The following TRPS1 variants were observed in gnomAD, a reference collection of about 807,000 sequenced individuals.
The protein encoded by TRPS1 is zinc finger transcription factor Trps1.
A neutral mutation model predicts 101.2 loss-of-function variants in TRPS1; 6 were observed. The observed-to-expected ratio is 0.06, with a 90% CI of 0.03 to 0.12. The LOEUF is 0.12. TRPS1 is among the 10% of genes least tolerant of loss of function. TRPS1 has a pLI of 1.00. For missense variants in TRPS1, 1,363 were observed against 1,567.0 expected (o/e 0.87, Z 2.20); for synonymous variants, 578 against 589.8 (o/e 0.98, Z 0.29).
At chr8:115,482,223 A>C (rs956576894) in intron 5 of TRPS1, among the ~76,000 whole-genome samples, 1 of 152,172 alleles carries the variant, frequency 6.6e-6, no homozygotes, top group Non-Finnish European at 1.5e-5. Context: ...GCAAAAACAA[A>C]TCATTTCAAA....
At chr8:115,552,345 G>A (rs1320261701) in intron 5 of TRPS1, among the ~76,000 whole-genome samples, 1 of 151,980 alleles carries the variant, frequency 6.6e-6, no homozygotes, top group Non-Finnish European at 1.5e-5. Context: ...ATCTAAAAAT[G>A]CTGGAATTTG....
chr8:115,597,296 CTA>C (rs1388048630), intron 4 of TRPS1, among the ~76,000 whole-genome samples: 1 of 151,756 alleles, frequency 6.6e-6, no homozygotes, highest in Non-Finnish European at 1.5e-5. Flanking sequence ...ATCGTAAAAT[CTA>C]TGTTTTCTGA....
At chr8:115,428,406 T>A (rs1406860434) in intron 5 of TRPS1, among the ~76,000 whole-genome samples, 4 of 152,172 alleles carry the variant, frequency 2.6e-5, no homozygotes, top group Non-Finnish European at 4.4e-5. Flanking sequence ...ACAAAAATAC[T>A]CCTAACTCTA....
chr8:115,440,637 A>G (rs1437045491), intron 5 of TRPS1, among the ~76,000 whole-genome samples: 2 of 152,238 alleles, frequency 1.3e-5, no homozygotes, highest in Non-Finnish European at 2.9e-5. Flanking sequence ...CCAAGGTTTC[A>G]GCAATAAGTC....
chr8:115,555,868 C>A (rs373131197), intron 5 of TRPS1, among the ~76,000 whole-genome samples: 27 of 148,938 alleles, frequency 1.8e-4, no homozygotes, highest in Admixed American at 2.7e-4. Flanking sequence ...AACAAACAAA[C>A]AAAAAAAAAA....
chr8:115,645,542 G>GA (rs1223928706), intron 1 of TRPS1, among the ~76,000 whole-genome samples: 1 of 151,984 alleles, frequency 6.6e-6, no homozygotes, highest in Admixed American at 6.6e-5. Flanking sequence ...ACAACCTACT[G>GA]AAAAATAAGA....
intron 5 of TRPS1, among the ~76,000 whole-genome samples, chr8:115,538,091 G>A (rs180814758): frequency 4.6e-5 from 7 of 152,248 alleles, no homozygotes; most frequent in Admixed American, 3.3e-4. Context: ...TTGATATTCC[G>A]GACTTTGCAT....
chr8:115,610,726 C>T (rs1219329266), intron 3 of TRPS1, among the ~76,000 whole-genome samples: 3 of 152,010 alleles, frequency 2.0e-5, no homozygotes, highest in Admixed American at 2.0e-4. Context: ...AACAGTTTAC[C>T]CTAAACTGGT....
chr8:115,607,973 TC>T (rs1246681104), intron 3 of TRPS1, among the ~76,000 whole-genome samples: 1 of 152,172 alleles, frequency 6.6e-6, no homozygotes, highest in African/African-American at 2.4e-5. Context: ...TTAAATCTAT[TC>T]TTTTCTAGGG....
chr8:115,502,599 G>A lies in TRPS1; in HGVS notation c.2701-84147C>T, dbSNP rs113331052. 6.6e-5 allele frequency among the ~76,000 whole-genome samples: 10 copies of A among 152,210 alleles called. No homozygotes were observed. In the East Asian group the frequency reaches 7.7e-4, roughly 12 times the overall value. On this transcript the variant is annotated intron_variant, in intron 5 of 6. Coordinates refer to ENST00000395715, the MANE Select transcript of TRPS1 (RefSeq NM_014112.5). ...ATAAGATTATCTAGAAATGATACAC[G>A]GTATTTGGCCCACAGTAGGTACTTA...
intron 5 of TRPS1, among the ~76,000 whole-genome samples, chr8:115,490,812 T>TG (rs2130101416): frequency 6.6e-6 from 1 of 152,328 alleles, no homozygotes; most frequent in Admixed American, 6.5e-5. Flanking sequence ...TTTTGGAGGC[T>TG]GGTTTATTAT....
At chr8:115,474,491 C>G (rs1814549964) in intron 5 of TRPS1, among the ~76,000 whole-genome samples, 1 of 152,030 alleles carries the variant, frequency 6.6e-6, no homozygotes, top group African/African-American at 2.4e-5. Context: ...TATTATAGAA[C>G]TGGGTTATGC....
chr8:115,525,489 G>A (rs1025477164), intron 5 of TRPS1, among the ~76,000 whole-genome samples: 2 of 151,944 alleles, frequency 1.3e-5, no homozygotes, highest in African/African-American at 4.8e-5. Flanking sequence ...TGGTGGTGGT[G>A]GGACAGGCAG....
chr8:115,501,578 G>A (rs1299316359), intron 5 of TRPS1, among the ~76,000 whole-genome samples: 3 of 152,130 alleles, frequency 2.0e-5, no homozygotes, highest in Non-Finnish European at 4.4e-5. Context: ...TCCCAAATAT[G>A]TGAAGTTCAA....
intron 5 of TRPS1, among the ~76,000 whole-genome samples, chr8:115,566,705 T>C (rs928711060): frequency 6.6e-6 from 1 of 152,128 alleles, no homozygotes; most frequent in Non-Finnish European, 1.5e-5. Flanking sequence ...AACCTCTATC[T>C]GTAAAAATTT....
chr8:115,589,475 A>T (rs1817635894), intron 4 of TRPS1, among the ~76,000 whole-genome samples: 1 of 152,210 alleles, frequency 6.6e-6, no homozygotes, highest in African/African-American at 2.4e-5. Flanking sequence ...AGCATACAAG[A>T]GCTTACATTT....
At chr8:115,642,076 T>C (rs184663228) in intron 1 of TRPS1, among the ~76,000 whole-genome samples, 2 of 151,980 alleles carry the variant, frequency 1.3e-5, no homozygotes, top group African/African-American at 4.8e-5. Context: ...AGCAAAGGCA[T>C]GATGGCTTGT....
chr8:115,633,156 A>G (rs1213377085), intron 1 of TRPS1, among the ~76,000 whole-genome samples: 2 of 152,138 alleles, frequency 1.3e-5, no homozygotes, highest in African/African-American at 4.8e-5. Context: ...AAGGGCCAGG[A>G]TGTGCCCCAG....
At chr8:115,627,394 T>G (rs1818533443) in intron 1 of TRPS1, among the ~76,000 whole-genome samples, 1 of 151,846 alleles carries the variant, frequency 6.6e-6, no homozygotes. Context: ...AATCTGACTT[T>G]ACATTTGCAC....
Sources: allele counts gnomAD v4.1 joint callset (sites outside exome capture counted in the v4.1 genomes callset), GRCh38; gene constraint gnomAD v4.1.1; transcripts MANE v1.5; gene names NCBI Gene and HGNC (gene_info 2026-07-23, HGNC 2026-07-21).